The following PAPPA2 variants were observed in gnomAD, a reference collection of about 807,000 sequenced individuals.
The protein encoded by PAPPA2 is pappalysin-2.
PAPPA2 carries 86 observed loss-of-function variants against 176.4 expected under a neutral mutation model. The observed-to-expected ratio is 0.49, with a 90% confidence interval of 0.41 to 0.58. PAPPA2 has a LOEUF of 0.58. Ranked by LOEUF, PAPPA2 falls within the 20% of genes least tolerant of loss-of-function variation. The pLI is 0.00. For missense variants in PAPPA2, 2,073 were observed against 2,256.9 expected, an observed-to-expected ratio of 0.92 and a Z score of 1.65; for synonymous variants, 809 against 852.2, an observed-to-expected ratio of 0.95 and a Z score of 0.88.
chr1:176,614,879 C>G (rs928939035), intron 3 of PAPPA2, among the ~76,000 whole-genome samples: 4 of 152,036 alleles, frequency 2.6e-5, no homozygotes, highest in African/African-American at 9.7e-5. Flanking sequence ...TTAAGTTACA[C>G]AGCTCGAAAG....
chr1:176,602,859 G>A (rs1654404869), intron 3 of PAPPA2, among the ~76,000 whole-genome samples: 2 of 152,150 alleles, frequency 1.3e-5, no homozygotes, highest in East Asian at 1.9e-4. Flanking sequence ...AGCACAATAA[G>A]TTTACCTACA....
At chr1:176,795,069 C>T (rs1571338963) in intron 20 of PAPPA2, among the ~76,000 whole-genome samples, 1 of 152,198 alleles carries the variant, frequency 6.6e-6, no homozygotes, top group African/African-American at 2.4e-5. Flanking sequence ...AGGCCTCTGC[C>T]CAATGCCCCT....
chr1:176,516,403 A>G (rs1648916197), intron 1 of PAPPA2, among the ~76,000 whole-genome samples: 1 of 152,016 alleles, frequency 6.6e-6, no homozygotes, highest in Non-Finnish European at 1.5e-5. Context: ...TTAAGGCAAA[A>G]CAGTTTCCAT....
chr1:176,643,095 T>G (rs1423553148), intron 3 of PAPPA2, among the ~76,000 whole-genome samples: 1 of 151,936 alleles, frequency 6.6e-6, no homozygotes, highest in Non-Finnish European at 1.5e-5. Flanking sequence ...ACCCATCTTA[T>G]AAGTAGGCAT....
chr1:176,571,684 A>G (rs1558444859), intron 2 of PAPPA2, among the ~76,000 whole-genome samples: 1 of 152,218 alleles, frequency 6.6e-6, no homozygotes, highest in Non-Finnish European at 1.5e-5. Context: ...ATGTATATCA[A>G]TGTGATATAA....
intron 1 of PAPPA2, among the ~76,000 whole-genome samples, chr1:176,513,263 G>A (rs140746198): frequency 4.9e-4 from 75 of 151,980 alleles, no homozygotes; most frequent in African/African-American, 1.7e-3. Context: ...TCCTTCACTT[G>A]TTTTTCTCAC....
chr1:176,529,867 T>C (rs1649712095), intron 1 of PAPPA2, among the ~76,000 whole-genome samples: 2 of 152,154 alleles, frequency 1.3e-5, no homozygotes, highest in Non-Finnish European at 2.9e-5. Flanking sequence ...CAAGTTTTTT[T>C]CCCCCTGATT....
rs1258262512 is a variant in PAPPA2, at chr1:176,489,338, G to A, written c.-917+25920G>A. ...TTAGCACCTCCCCACTCTAATGTAT[G>A]GGATTTTAATGCATAGAGGAGCTTC... On this transcript the variant is annotated intron_variant, in intron 1 of 22. Transcript: ENST00000367662. Among the ~76,000 whole-genome samples, 3 of 152,278 alleles carry A rather than the reference G, an allele frequency of 2.0e-5. No homozygotes were observed. The East Asian group carries it at 5.8e-4, about 29-fold the overall frequency.
chr1:176,514,209 G>T (rs1648774634), intron 1 of PAPPA2, among the ~76,000 whole-genome samples: 1 of 152,158 alleles, frequency 6.6e-6, no homozygotes, highest in South Asian at 2.1e-4. Context: ...TACAATCATG[G>T]TGGAAGGTAA....
intron 1 of PAPPA2, among the ~76,000 whole-genome samples, chr1:176,487,798 C>T (rs1268527411): frequency 6.6e-6 from 1 of 152,024 alleles, no homozygotes; most frequent in Non-Finnish European, 1.5e-5. Flanking sequence ...GTAAATAACA[C>T]AAGAGAAGCA....
intron 2 of PAPPA2, among the ~76,000 whole-genome samples, chr1:176,593,614 G>A (rs1355127944): frequency 6.6e-6 from 1 of 152,192 alleles, no homozygotes; most frequent in Non-Finnish European, 1.5e-5. Context: ...TGCCACATCT[G>A]AAAGTTTGTG....
intron 1 of PAPPA2, among the ~76,000 whole-genome samples, chr1:176,506,163 T>G (rs1233750176): frequency 6.6e-6 from 1 of 152,170 alleles, no homozygotes; most frequent in Non-Finnish European, 1.5e-5. Context: ...TGGTTATAAG[T>G]GTACAGCTTC....
chr1:176,793,959 T>G (rs1665302769), intron 20 of PAPPA2, among the ~76,000 whole-genome samples: 1 of 152,142 alleles, frequency 6.6e-6, no homozygotes, highest in African/African-American at 2.4e-5. Context: ...CCCAGTGTGG[T>G]GGCGGGTGCC....
At chr1:176,536,083 A>G (rs1650051513) in intron 1 of PAPPA2, among the ~76,000 whole-genome samples, 1 of 152,174 alleles carries the variant, frequency 6.6e-6, no homozygotes, top group South Asian at 2.1e-4. Flanking sequence ...ACAGCCTGTG[A>G]GGTTCCCCTG....
intron 12 of PAPPA2, among the ~76,000 whole-genome samples, chr1:176,736,447 G>T (rs1662417869): frequency 6.7e-6 from 1 of 148,266 alleles, no homozygotes; most frequent in African/African-American, 2.5e-5. Context: ...TTTTAAGGTT[G>T]CTCTTTCCAC....
chr1:176,835,812 C>A (rs1357372268), intron 21 of PAPPA2, among the ~76,000 whole-genome samples: 1 of 152,192 alleles, frequency 6.6e-6, no homozygotes, highest in East Asian at 1.9e-4. Flanking sequence ...GCCACTGTGC[C>A]TGGCAGTCTT....
chr1:176,541,824 C>T (rs1356795522), intron 1 of PAPPA2, among the ~76,000 whole-genome samples: 1 of 152,182 alleles, frequency 6.6e-6, no homozygotes, highest in Non-Finnish European at 1.5e-5. Flanking sequence ...GGAAGTCACA[C>T]CATTGATGCA....
rs370958014 is a variant in PAPPA2 at position 176,754,717 on chromosome 1, A to G, written c.4152-10949A>G. Among the ~76,000 whole-genome samples the G allele has an allele frequency of 3.3e-5, 5 of 152,366 alleles. No individual in the cohort carries two copies. The East Asian group carries it at 5.8e-4, about 18-fold the overall frequency. ...TTTGCTCAGAGCTGGCCCTGTCAGT[A>G]TAGTCTGTATTCATGGCAGCTGGTG... On this transcript the variant is annotated intron_variant, in intron 14 of 22. Coordinates refer to ENST00000367662, the MANE Select transcript of PAPPA2 (RefSeq NM_020318.3).
intron 2 of PAPPA2, among the ~76,000 whole-genome samples, chr1:176,566,879 T>A (rs1387458407): frequency 6.6e-6 from 1 of 152,156 alleles, no homozygotes; most frequent in African/African-American, 2.4e-5. Flanking sequence ...ATTTGGTGTT[T>A]ACTAACAGAA....
Sources: gnomAD v4.1 joint callset for allele counts (sites outside exome capture counted in the v4.1 genomes callset) on GRCh38, gnomAD v4.1.1 for gene constraint, MANE v1.5 for transcripts, NCBI Gene and HGNC (gene_info 2026-07-23, HGNC 2026-07-21) for gene names.